The following CADPS2 variants were observed in gnomAD, a reference collection of about 807,000 sequenced individuals.
CADPS2 encodes calcium-dependent secretion activator 2.
Under a neutral mutation model 172.5 loss-of-function variants are expected in CADPS2, and 93 were observed. The observed-to-expected ratio is 0.54, with a 90% confidence interval of 0.46 to 0.64. CADPS2 has a LOEUF of 0.64. Among genes scored for constraint, CADPS2 ranks in the 30% least tolerant of loss-of-function variants. The pLI, the probability that CADPS2 is intolerant of heterozygous loss-of-function variation, is 0.00. For synonymous variants in CADPS2, 546 were observed against 555.2 expected, an observed-to-expected ratio of 0.98 and a Z score of 0.23; for missense variants, 1,420 against 1,565.9, an observed-to-expected ratio of 0.91 and a Z score of 1.57.
chr7:122,484,479 C>T (rs2057604199), intron 11 of CADPS2, among the ~76,000 whole-genome samples: 1 of 143,316 alleles, frequency 7.0e-6, no homozygotes, highest in South Asian at 2.3e-4. Context: ...ATGGATACCT[C>T]TCACCATATA....
At chr7:122,320,431 G>T in intron 29 of CADPS2, 93 bp from the exon 30 acceptor site, 1 of 946,300 alleles carries the variant, frequency 1.1e-6, no homozygotes, top group Non-Finnish European at 1.5e-6. Context: ...ATGATCTTGG[G>T]GAATCCACTG....
chr7:122,561,965 T>C (rs957896445), intron 7 of CADPS2, among the ~76,000 whole-genome samples: 12 of 152,154 alleles, frequency 7.9e-5, no homozygotes, highest in African/African-American at 2.9e-4. Context: ...AATAAAAATG[T>C]AAACCTAAAA....
In CADPS2 at chr7:122,379,354, A is replaced by G; in HGVS notation, c.3387+14T>C. On this transcript the variant is annotated intron_variant, in intron 25 of 29. Transcript: ENST00000449022. Reference sequence around the variant, plus strand: ...TTCACTTTGATTTAAAAAGGTGAATAAATAATACATTACCTTTGAAACTAA... The same window carrying G: ...TTCACTTTGATTTAAAAAGGTGAATGAATAATACATTACCTTTGAAACTAA... The G allele has an allele frequency of 6.6e-7, 1 of 1,515,606 alleles. No homozygotes were observed. The highest frequency in any genetic ancestry group is 1.4e-5 in the African/African-American group (1 of 72,876). 93.9% of individuals were successfully genotyped at this position (1,515,606 alleles called of 1,614,324 possible).
At chr7:122,515,037 G>A (rs1015218762) in intron 8 of CADPS2, among the ~76,000 whole-genome samples, 2 of 151,846 alleles carry the variant, frequency 1.3e-5, no homozygotes, top group African/African-American at 2.4e-5. Context: ...AATCCAGGGG[G>A]GAGAAAAAAA....
At chr7:122,560,284 G>T (rs1258620625) in intron 7 of CADPS2, among the ~76,000 whole-genome samples, 1 of 152,130 alleles carries the variant, frequency 6.6e-6, no homozygotes, top group Admixed American at 6.6e-5. Context: ...ATACCAGAAG[G>T]TTAAGCTTAT....
At chr7:122,668,679 CAG>C (rs957669314) in intron 2 of CADPS2, among the ~76,000 whole-genome samples, 3 of 152,016 alleles carry the variant, frequency 2.0e-5, no homozygotes, top group Non-Finnish European at 4.4e-5. Context: ...GAGAGAGAGA[CAG>C]AGAGAGAAAT....
At chr7:122,660,459 C>A (rs1323147937) in intron 3 of CADPS2, among the ~76,000 whole-genome samples, 1 of 151,918 alleles carries the variant, frequency 6.6e-6, no homozygotes, top group Non-Finnish European at 1.5e-5. Flanking sequence ...ACAGAAGGCA[C>A]AAAAACTAGG....
chr7:122,557,462 T>C (rs1412539949), intron 7 of CADPS2, among the ~76,000 whole-genome samples: 1 of 152,138 alleles, frequency 6.6e-6, no homozygotes, highest in Non-Finnish European at 1.5e-5. Flanking sequence ...TTTTCCTTTT[T>C]CCACGTGGCA....
chr7:122,530,522 A>G lies in CADPS2; in HGVS notation c.1476-17207T>C, dbSNP rs187059588. Among the ~76,000 whole-genome samples, 447 of 152,232 alleles carry G rather than the reference A, an allele frequency of 2.9e-3. 4 individuals are homozygous for G. Among genetic ancestry groups the G allele is most frequent in the African/African-American group, 0.01 (428 of 41,580 alleles). ...TTTTCCTTATAACAACTTACCTTTCAAAAGATAAATTTTCTATATTCTAAG... is the reference window on the plus strand; with the variant it reads ...TTTTCCTTATAACAACTTACCTTTCGAAAGATAAATTTTCTATATTCTAAG... On this transcript the variant is annotated intron_variant, in intron 8 of 29. Coordinates refer to ENST00000449022, the MANE Select transcript of CADPS2 (RefSeq NM_017954.11).
intron 3 of CADPS2, among the ~76,000 whole-genome samples, chr7:122,654,044 G>A: frequency 6.6e-6 from 1 of 152,298 alleles, no homozygotes; most frequent in Non-Finnish European, 1.5e-5. Flanking sequence ...GCTTAGAAAG[G>A]CATGTCATAA....
At chr7:122,867,746 C>T (rs767544507) in intron 1 of CADPS2, among the ~76,000 whole-genome samples, 7 of 152,154 alleles carry the variant, frequency 4.6e-5, no homozygotes, top group Non-Finnish European at 7.3e-5. Context: ...ACATGGCACT[C>T]CCTTTGCCCC....
At chr7:122,452,261 A>G (rs2152044824) in intron 14 of CADPS2, among the ~76,000 whole-genome samples, 1 of 152,338 alleles carries the variant, frequency 6.6e-6, no homozygotes, top group East Asian at 1.9e-4. Flanking sequence ...TATAAATCTT[A>G]ACTGTCTTGT....
chr7:122,388,864 G>T, intron 22 of CADPS2, 126 bp from the exon 23 acceptor site: 2 of 844,836 alleles, frequency 2.4e-6, no homozygotes, highest in Admixed American at 3.0e-5. Flanking sequence ...AGTCTCTAAT[G>T]ATCCAATATT....
intron 14 of CADPS2, among the ~76,000 whole-genome samples, chr7:122,469,845 G>A (rs186182307): frequency 2.4e-4 from 36 of 151,906 alleles, no homozygotes; most frequent in African/African-American, 7.7e-4. Flanking sequence ...GTGTGTGCAC[G>A]TACACACATC....
intron 2 of CADPS2, among the ~76,000 whole-genome samples, chr7:122,722,328 A>C (rs1005026956): frequency 1.3e-5 from 2 of 151,714 alleles, no homozygotes; most frequent in Non-Finnish European, 2.9e-5. Context: ...TAAGCTGATA[A>C]GCAACTTCAG....
At chr7:122,738,133 AG>A (rs1486456362) in intron 1 of CADPS2, among the ~76,000 whole-genome samples, 1 of 152,152 alleles carries the variant, frequency 6.6e-6, no homozygotes, top group Non-Finnish European at 1.5e-5. Context: ...ATTAATACAG[AG>A]GGTGAATTAG....
intron 8 of CADPS2, among the ~76,000 whole-genome samples, chr7:122,521,846 GAGA>G (rs1433988909): frequency 6.6e-6 from 1 of 152,054 alleles, no homozygotes; most frequent in Non-Finnish European, 1.5e-5. Context: ...TCCTTTTCCT[GAGA>G]AGTTCTACCT....
In CADPS2 at chr7:122,491,428, A is replaced by C. The variant is rs1382448356; in HGVS notation, c.1543-8T>G. Reference sequence around the variant, plus strand: ...AAAGGTATATTGGCTAACCTGCTCGAGAAAAAAAAAGTTTACAGATTAGTC... The same window carrying C: ...AAAGGTATATTGGCTAACCTGCTCGCGAAAAAAAAAGTTTACAGATTAGTC... On this transcript the variant is annotated splice_region_variant and splice_polypyrimidine_tract_variant and intron_variant, in intron 9 of 29. Transcript: ENST00000449022. 6.5e-7 allele frequency: 1 copy of C among 1,527,578 alleles called. No individual in the cohort carries two copies. The highest frequency in any genetic ancestry group is 2.0e-5 in the Admixed American group (1 of 49,714). 94.6% of individuals were successfully genotyped at this position (1,527,578 alleles called of 1,614,324 possible).
chr7:122,472,670 C>T (rs753254200), intron 13 of CADPS2, among the ~76,000 whole-genome samples: 9 of 152,132 alleles, frequency 5.9e-5, no homozygotes, highest in Non-Finnish European at 1.0e-4. Context: ...GAGTGGAATC[C>T]GAGAGGACAC....
Sources: gnomAD v4.1 joint callset for allele counts (sites outside exome capture counted in the v4.1 genomes callset) on GRCh38, gnomAD v4.1.1 for gene constraint, MANE v1.5 for transcripts, NCBI Gene and HGNC (gene_info 2026-07-23, HGNC 2026-07-21) for gene names.